Variants in DIS3L2 observed in about 807,000 individuals in gnomAD.
DIS3L2 encodes the protein DIS3-like exonuclease 2.
Under a neutral mutation model 97.5 loss-of-function variants are expected in DIS3L2, and 34 were observed. That is an observed-to-expected ratio of 0.35 (90% CI 0.27 to 0.46). DIS3L2 has a LOEUF of 0.46. Ranked by LOEUF, DIS3L2 falls within the 20% of genes least tolerant of loss-of-function variation. The probability of loss-of-function intolerance (pLI) is 1.00; values close to 1 mark genes in which losing one functional copy is unlikely to be tolerated. For synonymous variants in DIS3L2, 435 were observed against 445.2 expected, an observed-to-expected ratio of 0.98 and a Z score of 0.29; for missense variants, 1,038 against 1,146.0, an observed-to-expected ratio of 0.91 and a Z score of 1.36.
chr2:232,134,709 G>C lies in DIS3L2; in HGVS notation c.703-1763G>C, dbSNP rs370633665. Among the ~76,000 whole-genome samples the C allele has an allele frequency of 9.9e-5, 15 of 152,124 alleles. No homozygotes were observed. The East Asian group carries it at 2.5e-3, about 25-fold the overall frequency. On this transcript the variant is annotated intron_variant, in intron 7 of 20. Coordinates refer to ENST00000325385, the MANE Select transcript of DIS3L2 (RefSeq NM_152383.5). ...GCGTGGTGACTGGTGACACACACCTGTGGTCCCAGAAACTCAGGAGGCTAA... is the reference window on the plus strand; with the variant it reads ...GCGTGGTGACTGGTGACACACACCTCTGGTCCCAGAAACTCAGGAGGCTAA...
At chr2:232,092,320 T>C (rs150391490) in intron 6 of DIS3L2, among the ~76,000 whole-genome samples, 59 of 152,254 alleles carry the variant, frequency 3.9e-4, no homozygotes, top group Non-Finnish European at 7.8e-4. Context: ...TAGCTCTGTA[T>C]TATAATTTGA....
chr2:232,140,657 A>G (rs899278544), intron 8 of DIS3L2, among the ~76,000 whole-genome samples: 1 of 152,230 alleles, frequency 6.6e-6, no homozygotes, highest in Non-Finnish European at 1.5e-5. Flanking sequence ...ATATGATGTT[A>G]GTAGCTTTGG....
At chr2:232,001,476 A>G (rs569633233) in intron 1 of DIS3L2, among the ~76,000 whole-genome samples, 1 of 148,970 alleles carries the variant, frequency 6.7e-6, no homozygotes, top group East Asian at 2.0e-4. Context: ...GTTTGCAAAT[A>G]TATTCTCTCA....
chr2:232,081,003 A>G lies in DIS3L2; in HGVS notation c.367-6484A>G, dbSNP rs143982640. 1.4e-4 allele frequency among the ~76,000 whole-genome samples: 22 copies of G among 152,094 alleles called. 1 individual carries two copies. In the East Asian group the frequency reaches 4.2e-3, roughly 29 times the overall value. On this transcript the variant is annotated intron_variant, in intron 5 of 20. Transcript: ENST00000325385. ...ATATGTAACAAATATTTTAATCTAT[A>G]GGCTTACCCTTTTTTCTTGCAATTT...
chr2:232,019,892 G>T, intron 3 of DIS3L2, among the ~76,000 whole-genome samples: 1 of 152,072 alleles, frequency 6.6e-6, no homozygotes, highest in East Asian at 1.9e-4. Flanking sequence ...AATGGGAAGG[G>T]TGAGAGAGAA....
At chr2:232,204,369 A>G (rs1691972625) in intron 9 of DIS3L2, among the ~76,000 whole-genome samples, 1 of 152,214 alleles carries the variant, frequency 6.6e-6, no homozygotes, top group Non-Finnish European at 1.5e-5. Flanking sequence ...AAGGGATTAT[A>G]GAAGACTTAC....
chr2:232,013,181 TC>T (rs1694258584), intron 1 of DIS3L2, among the ~76,000 whole-genome samples: 1 of 152,214 alleles, frequency 6.6e-6, no homozygotes, highest in Non-Finnish European at 1.5e-5. Context: ...GTTCGGGTCT[TC>T]CTTTCCTTTC....
chr2:232,340,972 C>T (rs1215197018), downstream of DIS3L2: 6 of 468,650 alleles, frequency 1.3e-5, no homozygotes, highest in Non-Finnish European at 8.9e-6. Flanking sequence ...TGAATGCCTT[C>T]CTGGAGGTGA....
intron 5 of DIS3L2, among the ~76,000 whole-genome samples, chr2:232,086,804 C>T (rs933714365): frequency 1.3e-5 from 2 of 149,974 alleles, no homozygotes; most frequent in Non-Finnish European, 3.0e-5. Context: ...CTCAGCCTCC[C>T]AAGTAGCTGG....
intron 6 of DIS3L2, among the ~76,000 whole-genome samples, chr2:232,112,347 C>T (rs1234575461): frequency 6.6e-6 from 1 of 152,230 alleles, no homozygotes; most frequent in African/African-American, 2.4e-5. Context: ...AAATAGGGGC[C>T]TGAGTGGGTT....
intron 9 of DIS3L2, 70 bp downstream of exon 9, chr2:232,163,702 AG>A: frequency 4.0e-6 from 6 of 1,487,248 alleles, no homozygotes; most frequent in Non-Finnish European, 5.4e-6. Flanking sequence ...GGCTAGGCTT[AG>A]ATGTTTTCAT....
chr2:231,992,538 T>C (rs1385440460), intron 1 of DIS3L2, among the ~76,000 whole-genome samples: 2 of 152,296 alleles, frequency 1.3e-5, no homozygotes, highest in East Asian at 3.9e-4. Context: ...CATGGCTAAA[T>C]TTCACAAGCA....
chr2:232,255,008 G>A (rs902550140), intron 12 of DIS3L2, among the ~76,000 whole-genome samples: 4 of 152,226 alleles, frequency 2.6e-5, no homozygotes, highest in Admixed American at 6.5e-5. Flanking sequence ...CCTGGGATGA[G>A]TATCTCTTAC....
At chr2:232,153,703 A>G (rs1690386689) in intron 8 of DIS3L2, among the ~76,000 whole-genome samples, 1 of 140,908 alleles carries the variant, frequency 7.1e-6, no homozygotes, top group Non-Finnish European at 1.5e-5. Flanking sequence ...CTCGAGGAGT[A>G]TCTTTGTGGC....
chr2:232,147,162 G>A (rs116010970), intron 8 of DIS3L2, among the ~76,000 whole-genome samples: 288 of 152,090 alleles, frequency 1.9e-3, no homozygotes, highest in African/African-American at 6.5e-3. Flanking sequence ...ATAGGAATGG[G>A]GTCTTGCTGT....
intron 10 of DIS3L2, among the ~76,000 whole-genome samples, chr2:232,212,614 A>G (rs1249731741): frequency 2.0e-5 from 3 of 152,222 alleles, no homozygotes; most frequent in African/African-American, 7.2e-5. Flanking sequence ...CAGACCAAAT[A>G]GTGTTTTTTG....
At chr2:232,247,340 G>A (rs1266575784) in intron 11 of DIS3L2, among the ~76,000 whole-genome samples, 2 of 152,148 alleles carry the variant, frequency 1.3e-5, no homozygotes, top group African/African-American at 4.8e-5. Context: ...TTTTCTCCCA[G>A]TTTTGGAGGC....
intron 17 of DIS3L2, 116 bp from the exon 18 acceptor site, chr2:232,334,253 G>C: frequency 2.2e-6 from 3 of 1,345,794 alleles, no homozygotes; most frequent in Non-Finnish European, 3.0e-6. Context: ...CTGGGAGCTG[G>C]GTGCTTGGGG....
At chr2:232,164,777 A>C (rs1690756130) in intron 9 of DIS3L2, among the ~76,000 whole-genome samples, 1 of 152,046 alleles carries the variant, frequency 6.6e-6, no homozygotes. Flanking sequence ...TTTCATAATA[A>C]CCCCTCTATC....
Sources: gnomAD v4.1 joint callset for allele counts (sites outside exome capture counted in the v4.1 genomes callset) on GRCh38, gnomAD v4.1.1 for gene constraint, MANE v1.5 for transcripts, NCBI Gene and HGNC (gene_info 2026-07-23, HGNC 2026-07-21) for gene names.